JARID2: variants seen among roughly 807,000 people sequenced by gnomAD.
JARID2 encodes jumonji and AT-rich interaction domain containing 2.
Under a neutral mutation model 125.6 loss-of-function variants are expected in JARID2, and 21 were observed. That is an observed-to-expected ratio of 0.17 (90% CI 0.12 to 0.24). The LOEUF is 0.24. JARID2 is among the 10% of genes least tolerant of loss of function. JARID2 has a pLI of 1.00. For synonymous variants in JARID2, 736 were observed against 661.6 expected (o/e 1.11, Z -1.73); for missense variants, 1,303 against 1,639.6 (o/e 0.79, Z 3.55).
intron 1 of JARID2, among the ~76,000 whole-genome samples, chr6:15,266,482 C>A (rs1760088145): frequency 6.6e-6 from 1 of 152,184 alleles, no homozygotes; most frequent in Non-Finnish European, 1.5e-5. Flanking sequence ...GACTAATTTG[C>A]AGGGCCTCAT....
chr6:15,444,735 ATTTTTTTTTTTTT>A (rs5874512), intron 3 of JARID2, among the ~76,000 whole-genome samples: 1 of 91,924 alleles, frequency 1.1e-5, no homozygotes, highest in Non-Finnish European at 2.1e-5. Context: ...GAACTGTCTG[ATTTTTTTTTTTTT>A]TTTTTTTTTG....
Position 15,520,098 on chromosome 6 carries a change from C to T in JARID2, c.3588C>T (p.Ile1196=). 6.2e-7 allele frequency: 1 copy of T among 1,613,600 alleles called. No individual in the cohort carries two copies. The highest frequency in any genetic ancestry group is 8.5e-7 in the Non-Finnish European group (1 of 1,179,798). Residue 1196 remains isoleucine (I), a synonymous_variant, in exon 18 of 18, where the codon ATC becomes ATT. Coordinates refer to ENST00000341776, the MANE Select transcript of JARID2 (RefSeq NM_004973.4). Reference sequence around the variant, plus strand: ...AGATTATCAGTCTGGTCAATCAGATCTGCGGCAAAGTGTCTGGTAAAAACG... The same window carrying T: ...AGATTATCAGTCTGGTCAATCAGATTTGCGGCAAAGTGTCTGGTAAAAACG... ...EEQIISLVNQ[I]CGKVSGKNGS...
At chr6:15,273,021 A>G (rs752861) in intron 1 of JARID2, among the ~76,000 whole-genome samples, 38,438 of 152,074 alleles carry the variant, frequency 0.25, 5,166 homozygotes, top group South Asian at 0.42. Flanking sequence ...TTATCAACCT[A>G]CAAAATAAAG....
intron 5 of JARID2, among the ~76,000 whole-genome samples, chr6:15,473,097 T>A (rs1769156315): frequency 6.6e-6 from 1 of 152,250 alleles, no homozygotes; most frequent in South Asian, 2.1e-4. Context: ...TTGCTGTATT[T>A]GTGGAGGATT....
chr6:15,478,053 A>G (rs1444494633), intron 5 of JARID2, among the ~76,000 whole-genome samples: 2 of 152,104 alleles, frequency 1.3e-5, no homozygotes, highest in Non-Finnish European at 2.9e-5. Flanking sequence ...TTGCTTTGCT[A>G]AAGTATTTAT....
intron 1 of JARID2, among the ~76,000 whole-genome samples, chr6:15,330,227 C>T (rs1296206688): frequency 1.3e-5 from 2 of 152,258 alleles, no homozygotes; most frequent in African/African-American, 2.4e-5. Context: ...CATTCACCAT[C>T]TGGTATACAA....
intron 1 of JARID2, among the ~76,000 whole-genome samples, chr6:15,320,036 G>C (rs1471168190): frequency 6.6e-6 from 1 of 152,112 alleles, no homozygotes; most frequent in Non-Finnish European, 1.5e-5. Context: ...AGTAGACAAG[G>C]CTATATTAGT....
At chr6:15,289,559 A>G (rs914038586) in intron 1 of JARID2, among the ~76,000 whole-genome samples, 3 of 152,086 alleles carry the variant, frequency 2.0e-5, no homozygotes, top group Admixed American at 6.5e-5. Flanking sequence ...TGTAAAAAAA[A>G]AAAACCATGT....
chr6:15,473,631 T>A (rs2127689440), intron 5 of JARID2, among the ~76,000 whole-genome samples: 1 of 151,850 alleles, frequency 6.6e-6, no homozygotes, highest in South Asian at 2.1e-4. Flanking sequence ...GTAGTTTTTG[T>A]GTATATTTAT....
intron 1 of JARID2, among the ~76,000 whole-genome samples, chr6:15,322,076 C>T (rs1004034079): frequency 6.6e-6 from 1 of 152,100 alleles, no homozygotes; most frequent in Non-Finnish European, 1.5e-5. Context: ...TGAGCTACCG[C>T]GCCCGGCCTG....
chr6:15,475,478 C>T (rs1194627973), intron 5 of JARID2, among the ~76,000 whole-genome samples: 2 of 152,202 alleles, frequency 1.3e-5, no homozygotes, highest in Admixed American at 6.5e-5. Flanking sequence ...GTCCTCGCTT[C>T]GCCGTGCAAC....
intron 3 of JARID2, among the ~76,000 whole-genome samples, 173 bp from the exon 4 acceptor site, chr6:15,451,833 G>A (rs887501360): frequency 2.6e-5 from 4 of 152,130 alleles, no homozygotes; most frequent in African/African-American, 7.2e-5. Context: ...TATTGCGCTT[G>A]AAAGTAGGCC....
chr6:15,375,809 G>T (rs573343600), intron 2 of JARID2, among the ~76,000 whole-genome samples: 1 of 152,288 alleles, frequency 6.6e-6, no homozygotes, highest in Non-Finnish European at 1.5e-5. Flanking sequence ...CTGTTAGATT[G>T]TATGGTTGTG....
chr6:15,477,386 C>T (rs1769394956), intron 5 of JARID2, among the ~76,000 whole-genome samples: 1 of 151,788 alleles, frequency 6.6e-6, no homozygotes, highest in African/African-American at 2.4e-5. Flanking sequence ...TGCCGCCTCC[C>T]CGCCCCCGAG....
intron 1 of JARID2, among the ~76,000 whole-genome samples, chr6:15,306,247 G>A (rs1435792679): frequency 1.3e-5 from 2 of 151,826 alleles, no homozygotes; most frequent in African/African-American, 4.8e-5. Context: ...CACAGCAGTA[G>A]GAACAACAAA....
chr6:15,437,722 T>C (rs1230060481), intron 3 of JARID2, among the ~76,000 whole-genome samples: 3 of 151,908 alleles, frequency 2.0e-5, no homozygotes, highest in African/African-American at 7.3e-5. Flanking sequence ...TAGAATCGCT[T>C]GAACCCGGGA....
chr6:15,507,394 G>A lies in JARID2; in HGVS notation c.2709G>A (p.Leu903=). The A allele has an allele frequency of 6.2e-7, 1 of 1,614,094 alleles. No individual in the cohort carries two copies. The highest frequency in any genetic ancestry group is 8.5e-7 in the Non-Finnish European group (1 of 1,179,998). ...TVLPNNTGSI[L]RHLGAVPGVT... ...TCCCCAATAACACAGGGTCCATCCTGCGTCACCTCGGTGCTGTGCCTGGTA... is the reference window on the plus strand; with the variant it reads ...TCCCCAATAACACAGGGTCCATCCTACGTCACCTCGGTGCTGTGCCTGGTA... Residue 903 remains leucine, a synonymous_variant, in exon 11 of 18, where the codon CTG becomes CTA. Coordinates refer to ENST00000341776, the MANE Select transcript of JARID2 (RefSeq NM_004973.4).
intron 2 of JARID2, among the ~76,000 whole-genome samples, chr6:15,395,395 A>G (rs1581500048): frequency 1.3e-5 from 2 of 151,908 alleles, no homozygotes; most frequent in African/African-American, 4.8e-5. Context: ...AGTCCTGAGT[A>G]GTTGGGACTA....
intron 1 of JARID2, among the ~76,000 whole-genome samples, chr6:15,323,729 T>C (rs1432441987): frequency 6.6e-6 from 1 of 152,086 alleles, no homozygotes; most frequent in African/African-American, 2.4e-5. Flanking sequence ...ATTCTCTCTT[T>C]ACTCAAAATA....
Sources: gnomAD v4.1 joint callset for allele counts (sites outside exome capture counted in the v4.1 genomes callset) on GRCh38, gnomAD v4.1.1 for gene constraint, MANE v1.5 for transcripts, NCBI Gene and HGNC (gene_info 2026-07-23, HGNC 2026-07-21) for gene names.